CDK20: variants seen among roughly 807,000 people sequenced by gnomAD.
CDK20 encodes the protein cyclin-dependent kinase 20.
A neutral mutation model predicts 38.6 loss-of-function variants in CDK20; 40 were observed. That is an observed-to-expected ratio of 1.04 (90% CI 0.81 to 1.35). The LOEUF is 1.35. Among genes scored for constraint, CDK20 ranks in the 40% most tolerant of loss-of-function variants. The probability of loss-of-function intolerance (pLI) is 0.00; values close to 1 mark genes in which losing one functional copy is unlikely to be tolerated. For missense variants in CDK20, 512 were observed against 452.6 expected, an observed-to-expected ratio of 1.13 and a Z score of -1.19; for synonymous variants, 209 against 185.7, an observed-to-expected ratio of 1.13 and a Z score of -1.02.
rs1394523485 is a variant in CDK20 at position 87,971,188 on chromosome 9, T to G, written c.337A>C (p.Lys113Gln). ...QVKSYLQMLL[K>Q]GVAFCHANNI... ...TTGGCATGGCAGAAGGCGACACCCTTGAGCAGCATCTGCAGGTAGCTCTTG... is the reference window on the plus strand; with the variant it reads ...TTGGCATGGCAGAAGGCGACACCCTGGAGCAGCATCTGCAGGTAGCTCTTG... Residue 113 changes from lysine to glutamine, a missense_variant, in exon 3 of 8, where the codon AAG (lysine) becomes CAG (glutamine). Transcript: ENST00000325303. The G allele has an allele frequency of 1.1e-5, 18 of 1,614,070 alleles. No homozygotes were observed. The highest frequency in any genetic ancestry group is 1.4e-5 in the Non-Finnish European group (17 of 1,180,046).
At chr9:87,974,180 AC>A in intron 1 of CDK20, 145 bp from the exon 2 acceptor site, 1 of 1,421,826 alleles carries the variant, frequency 7.0e-7, no homozygotes, top group Non-Finnish European at 9.5e-7. Flanking sequence ...CTAGCCTGGG[AC>A]CCAGCCGCTG....
intron 6 of CDK20, 158 bp from the exon 7 acceptor site, chr9:87,969,507 T>C: frequency 1.2e-6 from 1 of 845,020 alleles, no homozygotes; most frequent in Non-Finnish European, 1.8e-6. Flanking sequence ...CACCCACCCC[T>C]GTATTCCTTC....
rs948849453 is a variant in CDK20 at position 87,969,061 on chromosome 9, C to G, written c.843+133G>C. The stretch of plus-strand genomic sequence containing the variant: ...CCCCTGTCCCCTGGGTTCCAGATGT[C>G]TGGTGCTGGTCCATGCCAATCACAG... On this transcript the variant is annotated intron_variant, in intron 7 of 7. Transcript: ENST00000325303. 3.8e-6 allele frequency: 4 copies of G among 1,063,312 alleles called. No individual in the cohort carries two copies. The African/African-American group carries it at 6.3e-5, about 17-fold the overall frequency. 65.9% of individuals were successfully genotyped at this position (1,063,312 alleles called of 1,614,324 possible).
At chr9:87,973,189 C>T (rs971186242) in intron 2 of CDK20, among the ~76,000 whole-genome samples, 7 of 152,280 alleles carry the variant, frequency 4.6e-5, no homozygotes, top group East Asian at 1.9e-4. Context: ...TTCCCTATTT[C>T]GACATGGGTG....
chr9:87,971,697 C>A (rs528113356), intron 2 of CDK20, among the ~76,000 whole-genome samples: 1 of 152,086 alleles, frequency 6.6e-6, no homozygotes, highest in Non-Finnish European at 1.5e-5. Flanking sequence ...ATCCCAGCAC[C>A]AAGGAAAGGA....
intron 2 of CDK20, among the ~76,000 whole-genome samples, chr9:87,972,834 C>T (rs1587627958): frequency 6.6e-6 from 1 of 152,166 alleles, no homozygotes; most frequent in East Asian, 1.9e-4. Flanking sequence ...GTCTGGAAGC[C>T]CTTTTATCTT....
chr9:87,971,230 G>A lies in CDK20; in HGVS notation c.295C>T (p.Leu99=). Reference sequence around the variant, plus strand: ...TAGCTCTTGACCTGTGCCTGGGCTAGTGGCCTCTGGGCATGGCGCACCACC... The same window carrying A: ...TAGCTCTTGACCTGTGCCTGGGCTAATGGCCTCTGGGCATGGCGCACCACC... The part of the protein sequence containing the change: ...AEVVRHAQRP[L]AQAQVKSYLQ... Residue 99 remains leucine, a synonymous_variant, in exon 3 of 8, where the codon CTA becomes TTA. Coordinates refer to ENST00000325303, the MANE Select transcript of CDK20 (RefSeq NM_001039803.3). 2 of 1,614,184 alleles carry A rather than the reference G, an allele frequency of 1.2e-6. No homozygotes were observed. Among genetic ancestry groups the A allele is most frequent in the Non-Finnish European group, 1.7e-6 (2 of 1,180,040 alleles).
intron 4 of CDK20, 68 bp from the exon 5 acceptor site, chr9:87,970,698 A>C (rs559485744): frequency 2.3e-4 from 372 of 1,612,450 alleles, no homozygotes; most frequent in Admixed American, 3.3e-4. Flanking sequence ...CCCCAGCCCC[A>C]CAAGCAATGT....
chr9:87,970,144 C>T, intron 5 of CDK20: 5 of 472,376 alleles, frequency 1.1e-5, no homozygotes, highest in Admixed American at 3.8e-5. Flanking sequence ...CTCTAGGACA[C>T]TTCTGGGGCA....
chr9:87,973,265 C>T (rs1379042395), intron 2 of CDK20, among the ~76,000 whole-genome samples: 2 of 152,130 alleles, frequency 1.3e-5, no homozygotes, highest in African/African-American at 2.4e-5. Flanking sequence ...TTCCAGCAGC[C>T]CCTCCCGGTA....
At chr9:87,969,409 T>C (rs1358003139) in intron 6 of CDK20, 60 bp from the exon 7 acceptor site, 2 of 1,567,082 alleles carry the variant, frequency 1.3e-6, no homozygotes, top group Non-Finnish European at 1.7e-6. Context: ...TGCCATGCTC[T>C]CTGCTGTCAA....
intron 6 of CDK20, 145 bp downstream of exon 6, chr9:87,969,651 C>T: frequency 7.6e-7 from 1 of 1,311,028 alleles, no homozygotes; most frequent in Admixed American, 2.2e-5. Flanking sequence ...AGGAGGAAGC[C>T]CTGAGTTGGG....
Position 87,970,109 on chromosome 9 carries a change from T to C in CDK20, c.564-190A>G, listed in dbSNP as rs1324247477. On this transcript the variant is annotated intron_variant, in intron 5 of 7. Transcript: ENST00000325303. ...AGAACCCAGAGCAAAGCCCCAGCTG[T>C]TCCAAGACTTCTCGGAGACTCCTGC... 1.1e-5 allele frequency: 6 copies of C among 551,516 alleles called. No individual in the cohort carries two copies. The East Asian group carries it at 1.6e-4, about 15-fold the overall frequency. 34.2% of individuals were successfully genotyped at this position (551,516 alleles called of 1,614,324 possible).
chr9:87,970,957 C>T lies in CDK20; in HGVS notation c.379-60G>A, dbSNP rs892561585. 46 of 1,603,306 alleles carry T rather than the reference C, an allele frequency of 2.9e-5. No individual in the cohort carries two copies. The East Asian group carries it at 2.9e-4, about 10-fold the overall frequency. On this transcript the variant is annotated intron_variant, in intron 3 of 7. Transcript: ENST00000325303. ...ATCCCCCATAGGACCTTGGGACAAGCGGGCTTGGCAGTCTAACCACTCAGG... is the reference window on the plus strand; with the variant it reads ...ATCCCCCATAGGACCTTGGGACAAGTGGGCTTGGCAGTCTAACCACTCAGG...
intron 7 of CDK20, chr9:87,968,846 G>A (rs148577867): frequency 1.6e-3 from 440 of 275,198 alleles, no homozygotes; most frequent in African/African-American, 8.5e-3. Flanking sequence ...ACTTGCTAAT[G>A]GAATAAAGGA....
intron 2 of CDK20, 34 bp from the exon 3 acceptor site, chr9:87,971,369 C>T (rs1349529425): frequency 2.5e-6 from 4 of 1,578,486 alleles, no homozygotes; most frequent in African/African-American, 1.3e-5. Flanking sequence ...CCCCCAGACT[C>T]AAGTCACCAG....
Position 87,971,348 on chromosome 9 carries a change from C to T in CDK20, c.190-13G>A, listed in dbSNP as rs1417455693. 1 of 1,602,854 alleles carries T rather than the reference C, an allele frequency of 6.2e-7. No individual in the cohort carries two copies. Among genetic ancestry groups the T allele is most frequent in the Non-Finnish European group, 8.5e-7 (1 of 1,173,848 alleles). ...TCAGTTGTACCACCTGTGGGCAGGA[C>T]ATCTTGTTAGCCCCCAGACTCAAGT... On this transcript the variant is annotated splice_polypyrimidine_tract_variant and intron_variant, in intron 2 of 7. Transcript: ENST00000325303.
At position 87,969,937 on chromosome 9, in the gene CDK20, C is replaced by A. The variant is rs762557603; in HGVS notation, c.564-18G>T. 1 of 1,541,502 alleles carries A rather than the reference C, an allele frequency of 6.5e-7. No individual in the cohort carries two copies. The highest frequency in any genetic ancestry group is 8.8e-7 in the Non-Finnish European group (1 of 1,142,072). ...CCACAGACCTGTGGACACAGAGCCCCAAGCAGGTCAGAGATCTCCCACCAT... is the reference window on the plus strand; with the variant it reads ...CCACAGACCTGTGGACACAGAGCCCAAAGCAGGTCAGAGATCTCCCACCAT... On this transcript the variant is annotated intron_variant, in intron 5 of 7. Transcript: ENST00000325303.
In CDK20 at chr9:87,967,597, A is replaced by G; in HGVS notation, c.906T>C (p.Ile302=). Residue 302 remains isoleucine (I), a synonymous_variant, in exon 8 of 8, where the codon ATT becomes ATC. Coordinates refer to ENST00000325303, the MANE Select transcript of CDK20 (RefSeq NM_001039803.3). ...PLPAHPSELP[I]PQRLGGPAPK... ...GGGCAGGTCCCCCTAGACGCTGAGG[A>G]ATCGGCAGCTCAGATGGATGGGCAG... is the stretch of plus-strand genomic sequence containing the variant. 6.5e-7 allele frequency: 1 copy of G among 1,527,720 alleles called. No individual in the cohort carries two copies. The highest frequency in any genetic ancestry group is 1.4e-5 in the African/African-American group (1 of 72,694). 94.6% of individuals were successfully genotyped at this position (1,527,720 alleles called of 1,614,324 possible). A position where few individuals can be genotyped will look rare whatever the true frequency, so the allele number is the denominator to read the frequency against.
Sources: gnomAD v4.1 joint callset for allele counts (sites outside exome capture counted in the v4.1 genomes callset) on GRCh38, gnomAD v4.1.1 for gene constraint, MANE v1.5 for transcripts, NCBI Gene and HGNC (gene_info 2026-07-23, HGNC 2026-07-21) for gene names.